Variants in AFG2A observed in about 807,000 individuals in gnomAD.
AFG2A encodes the protein ATPase family gene 2 protein homolog A.
At chr4:123,232,182 A>G in the AFG2A span, among the ~76,000 whole-genome samples, 1 of 152,034 alleles carries the variant, frequency 6.6e-6, no homozygotes, top group Non-Finnish European at 1.5e-5. Context: ...ATAGTGCAAT[A>G]AAATGAGGTG....
chr4:123,255,720 T>C, the AFG2A span, among the ~76,000 whole-genome samples: 2 of 120,938 alleles, frequency 1.7e-5, no homozygotes, highest in African/African-American at 8.3e-5. Context: ...CTTTTCTATT[T>C]TTTTTTTTTT....
the AFG2A span, chr4:122,934,275 C>A: frequency 2.5e-6 from 4 of 1,614,146 alleles, no homozygotes; most frequent in South Asian, 3.3e-5. Flanking sequence ...AAACCAGTAG[C>A]CTGGAGTTAT....
At chr4:123,058,279 G>T in the AFG2A span, among the ~76,000 whole-genome samples, 5 of 152,326 alleles carry the variant, frequency 3.3e-5, no homozygotes, top group South Asian at 1.0e-3. Context: ...CTCTTAGGTG[G>T]TGACAGGCAA....
chr4:123,143,827 CTCTCT>C, the AFG2A span, among the ~76,000 whole-genome samples: 2 of 96,390 alleles, frequency 2.1e-5, no homozygotes, highest in Non-Finnish European at 4.6e-5. Context: ...ATAAACTTCT[CTCTCT>C]TTTTTTTTTT....
the AFG2A span, among the ~76,000 whole-genome samples, chr4:123,061,115 C>G: frequency 1.3e-5 from 2 of 152,208 alleles, no homozygotes; most frequent in Non-Finnish European, 2.9e-5. Context: ...CTTAACACGT[C>G]TCTAGGAAGT....
At chr4:123,226,926 G>A in the AFG2A span, among the ~76,000 whole-genome samples, 1 of 152,040 alleles carries the variant, frequency 6.6e-6, no homozygotes, top group Non-Finnish European at 1.5e-5. Context: ...ACTTCTTCCT[G>A]TTTTAGTCTT....
chr4:122,963,545 G>A, the AFG2A span, among the ~76,000 whole-genome samples: 2 of 152,078 alleles, frequency 1.3e-5, no homozygotes, highest in Non-Finnish European at 2.9e-5. Flanking sequence ...TTGTAGTTGA[G>A]GAAACTTATG....
chr4:123,255,918 A>T, the AFG2A span: 1 of 1,377,106 alleles, frequency 7.3e-7, no homozygotes, highest in East Asian at 2.3e-5. Context: ...ATAATAGTGG[A>T]TTGTTCGTGA....
chr4:122,938,342 A>T, the AFG2A span: 2 of 1,292,426 alleles, frequency 1.5e-6, no homozygotes, highest in Non-Finnish European at 1.0e-6. Context: ...GAGTCTTTGG[A>T]TATTTTAGGA....
chr4:122,948,863 C>T, the AFG2A span, among the ~76,000 whole-genome samples: 1 of 152,224 alleles, frequency 6.6e-6, no homozygotes, highest in Admixed American at 6.5e-5. Flanking sequence ...GTGGCCCTCA[C>T]ATTCTTATGC....
chr4:123,155,338 C>T, the AFG2A span, among the ~76,000 whole-genome samples: 1 of 152,126 alleles, frequency 6.6e-6, no homozygotes, highest in Non-Finnish European at 1.5e-5. Context: ...CCCACCTTGA[C>T]CAGTGCTAGG....
chr4:123,310,721 G>A, the AFG2A span, among the ~76,000 whole-genome samples: 2 of 152,200 alleles, frequency 1.3e-5, no homozygotes, highest in African/African-American at 4.8e-5. Context: ...GTTGATTGAC[G>A]AAAGAATGAC....
chr4:122,933,495 T>A, the AFG2A span: 1 of 1,609,726 alleles, frequency 6.2e-7, no homozygotes, highest in Admixed American at 1.7e-5. Flanking sequence ...CTGAGAAAAC[T>A]AGGTGAGACA....
the AFG2A span, among the ~76,000 whole-genome samples, chr4:123,179,213 A>C: frequency 6.6e-6 from 1 of 152,186 alleles, no homozygotes; most frequent in East Asian, 1.9e-4. Context: ...AGCAATCTAG[A>C]AGGAGGAGTA....
the AFG2A span, among the ~76,000 whole-genome samples, chr4:122,950,151 C>T: frequency 1.6e-3 from 238 of 152,262 alleles, 2 homozygotes; most frequent in African/African-American, 5.5e-3. Flanking sequence ...AGTTTGTGCA[C>T]GGCTGCTGGT....
the AFG2A span, among the ~76,000 whole-genome samples, chr4:123,118,116 A>G: frequency 6.6e-6 from 1 of 150,592 alleles, no homozygotes; most frequent in Non-Finnish European, 1.5e-5. Context: ...AATTGGTAAC[A>G]TATGTATATA....
At chr4:123,033,722 G>T in the AFG2A span, among the ~76,000 whole-genome samples, 1 of 152,074 alleles carries the variant, frequency 6.6e-6, no homozygotes, top group Non-Finnish European at 1.5e-5. Flanking sequence ...CACTAAGCTG[G>T]GATTCACATT....
the AFG2A span, among the ~76,000 whole-genome samples, chr4:123,128,561 T>A: frequency 6.6e-6 from 1 of 152,160 alleles, no homozygotes; most frequent in East Asian, 1.9e-4. Flanking sequence ...TTGGAGTTTT[T>A]AAATTTTATT....
the AFG2A span, among the ~76,000 whole-genome samples, chr4:123,186,444 T>C: frequency 6.6e-6 from 1 of 152,234 alleles, no homozygotes; most frequent in African/African-American, 2.4e-5. Context: ...AGACAGCTTT[T>C]AGAGTTTAGT....
Sources: gnomAD v4.1 joint callset for allele counts (sites outside exome capture counted in the v4.1 genomes callset) on GRCh38, gnomAD v4.1.1 for gene constraint, MANE v1.5 for transcripts, NCBI Gene and HGNC (gene_info 2026-07-23, HGNC 2026-07-21) for gene names.